Variants in CARMIL1 observed in about 807,000 individuals in gnomAD.
CARMIL1 encodes F-actin-uncapping protein LRRC16A.
A neutral mutation model predicts 177.1 loss-of-function variants in CARMIL1; 90 were observed. That is an observed-to-expected ratio of 0.51 (90% CI 0.43 to 0.61). CARMIL1 has a LOEUF of 0.61. CARMIL1 is among the 20% of genes least tolerant of loss of function. CARMIL1 has a pLI of 0.00. For synonymous variants in CARMIL1, 577 were observed against 606.2 expected, an observed-to-expected ratio of 0.95 and a Z score of 0.71; for missense variants, 1,380 against 1,667.0, an observed-to-expected ratio of 0.83 and a Z score of 3.00.
intron 4 of CARMIL1, among the ~76,000 whole-genome samples, chr6:25,430,292 A>G (rs1019410382): frequency 6.7e-6 from 1 of 149,042 alleles, no homozygotes; most frequent in Admixed American, 6.7e-5. Flanking sequence ...GAATGATTCT[A>G]TATATTTCTC....
intron 2 of CARMIL1, among the ~76,000 whole-genome samples, chr6:25,409,721 C>A (rs1409269817): frequency 2.0e-5 from 3 of 152,000 alleles, no homozygotes; most frequent in Non-Finnish European, 4.4e-5. Flanking sequence ...GAATTGTGCA[C>A]ACACACACAC....
intron 2 of CARMIL1, among the ~76,000 whole-genome samples, chr6:25,390,889 A>G (rs1189895260): frequency 6.6e-6 from 1 of 152,104 alleles, no homozygotes; most frequent in Non-Finnish European, 1.5e-5. Flanking sequence ...TTTAGTAGAG[A>G]TGGGGTTTCA....
chr6:25,318,633 G>T (rs187258066), intron 2 of CARMIL1, among the ~76,000 whole-genome samples: 1 of 152,224 alleles, frequency 6.6e-6, no homozygotes, highest in African/African-American at 2.4e-5. Flanking sequence ...AACTTCCTTA[G>T]CAAGATCTCT....
At chr6:25,425,368 T>G (rs1401702264) in intron 3 of CARMIL1, among the ~76,000 whole-genome samples, 1 of 152,180 alleles carries the variant, frequency 6.6e-6, no homozygotes, top group Non-Finnish European at 1.5e-5. Flanking sequence ...TAATAATAAC[T>G]TCATCAGTAT....
At chr6:25,612,398 A>G (rs1214640634) in intron 36 of CARMIL1, 2 of 152,214 alleles carry the variant, frequency 1.3e-5, no homozygotes, top group Non-Finnish European at 2.9e-5. Flanking sequence ...AATTTCTGAA[A>G]CAGGTAAATT....
intron 2 of CARMIL1, among the ~76,000 whole-genome samples, chr6:25,307,221 G>T (rs1284279989): frequency 1.3e-5 from 2 of 152,204 alleles, no homozygotes; most frequent in Non-Finnish European, 2.9e-5. Context: ...ACCTGTGCTT[G>T]TAAGAGTGTT....
chr6:25,459,273 T>TTCTTTCTTTCTTTCTTTCTTTC (rs1799907153), intron 8 of CARMIL1, among the ~76,000 whole-genome samples: 8 of 132,750 alleles, frequency 6.0e-5, no homozygotes, highest in Admixed American at 8.0e-5. Context: ...TTTCTTTTTT[T>TTCTTTCTTTCTTTCTTTCTTTC]TTTTTTTAAG....
intron 32 of CARMIL1, 139 bp downstream of exon 32, chr6:25,594,666 G>T: frequency 1.7e-6 from 1 of 591,644 alleles, no homozygotes. Flanking sequence ...TATGGTCTCT[G>T]GGCCGGCAAT....
At chr6:25,431,206 C>T (rs1034122138) in intron 4 of CARMIL1, among the ~76,000 whole-genome samples, 26 of 152,008 alleles carry the variant, frequency 1.7e-4, no homozygotes, top group African/African-American at 6.0e-4. Context: ...TCGACTTTTG[C>T]TCTGATCTTT....
chr6:25,416,127 C>T (rs191975381), intron 2 of CARMIL1, among the ~76,000 whole-genome samples: 2 of 152,234 alleles, frequency 1.3e-5, no homozygotes, highest in East Asian at 3.9e-4. Context: ...TAGAAAGAGA[C>T]AGAAGGAGAC....
intron 2 of CARMIL1, among the ~76,000 whole-genome samples, chr6:25,418,549 T>TAAA (rs34839184): frequency 5.4e-4 from 79 of 146,688 alleles, no homozygotes; most frequent in South Asian, 2.0e-3. Context: ...TAGGAGGGTG[T>TAAA]AAAAAAAAAA....
At chr6:25,486,353 G>C (rs564292338) in intron 12 of CARMIL1, among the ~76,000 whole-genome samples, 1 of 152,102 alleles carries the variant, frequency 6.6e-6, no homozygotes, top group Non-Finnish European at 1.5e-5. Context: ...ATGCTCTCTC[G>C]AGTCTATTCA....
At chr6:25,300,422 T>C (rs890029019) in intron 2 of CARMIL1, among the ~76,000 whole-genome samples, 3 of 152,196 alleles carry the variant, frequency 2.0e-5, no homozygotes, top group African/African-American at 7.2e-5. Context: ...ATCCCAGCAG[T>C]TTGGAAGGCC....
intron 2 of CARMIL1, among the ~76,000 whole-genome samples, chr6:25,401,621 T>C (rs1414224166): frequency 6.6e-6 from 1 of 152,236 alleles, no homozygotes; most frequent in Non-Finnish European, 1.5e-5. Context: ...TTCAGTGATA[T>C]AACTAGGGTT....
At chr6:25,578,898 C>G (rs1812854034) in intron 29 of CARMIL1, among the ~76,000 whole-genome samples, 1 of 152,022 alleles carries the variant, frequency 6.6e-6, no homozygotes, top group Admixed American at 6.5e-5. Flanking sequence ...GGCTTTGAAG[C>G]ATTGGAAAAC....
chr6:25,528,376 A>G (rs555148289), intron 23 of CARMIL1, among the ~76,000 whole-genome samples: 3 of 152,202 alleles, frequency 2.0e-5, no homozygotes, highest in Admixed American at 6.5e-5. Context: ...GAATAAGGCT[A>G]TAAGAGATTT....
In CARMIL1 at chr6:25,330,686, A is replaced by G. The variant is rs1376883704; in HGVS notation, c.138+45777A>G. ...GAGACGCACCCCCCCGCCCATCTCT[A>G]TTAAAAAAAAAAAAAAAAGACAGAT... is the stretch of plus-strand genomic sequence containing the variant. On this transcript the variant is annotated intron_variant, in intron 2 of 36. Transcript: ENST00000329474. 3.1e-5 allele frequency among the ~76,000 whole-genome samples: 3 copies of G among 95,628 alleles called. 1 individual carries two copies. The highest frequency in any genetic ancestry group is 7.2e-5 in the African/African-American group (2 of 27,822). 62.7% of individuals were successfully genotyped at this position (95,628 alleles called of 152,430 possible).
At chr6:25,541,431 A>G in intron 26 of CARMIL1, among the ~76,000 whole-genome samples, 1 of 152,216 alleles carries the variant, frequency 6.6e-6, no homozygotes, top group Non-Finnish European at 1.5e-5. Context: ...TAGATGTACC[A>G]GCATAATTTA....
intron 2 of CARMIL1, among the ~76,000 whole-genome samples, chr6:25,356,550 C>G (rs1398984985): frequency 6.6e-6 from 1 of 152,212 alleles, no homozygotes. Flanking sequence ...AGTAACTCAG[C>G]TGAAAATACT....
Sources: gnomAD v4.1 joint callset for allele counts (sites outside exome capture counted in the v4.1 genomes callset) on GRCh38, gnomAD v4.1.1 for gene constraint, MANE v1.5 for transcripts, NCBI Gene and HGNC (gene_info 2026-07-23, HGNC 2026-07-21) for gene names.